Variants in RGS6 observed in about 807,000 individuals in gnomAD.
The protein encoded by RGS6 is regulator of G-protein signaling 6.
Under a neutral mutation model 78.5 loss-of-function variants are expected in RGS6, and 30 were observed. That is an observed-to-expected ratio of 0.38 (90% CI 0.29 to 0.52). RGS6 has a LOEUF of 0.52. RGS6 is among the 20% of genes least tolerant of loss of function. The probability of loss-of-function intolerance (pLI) is 0.85; values close to 1 mark genes in which losing one functional copy is unlikely to be tolerated. For missense variants in RGS6, 495 were observed against 609.7 expected, an observed-to-expected ratio of 0.81 and a Z score of 1.98; for synonymous variants, 206 against 206.0, an observed-to-expected ratio of 1.00 and a Z score of 0.00.
intron 3 of RGS6, among the ~76,000 whole-genome samples, chr14:72,406,309 G>T (rs562555863): frequency 6.6e-6 from 1 of 152,208 alleles, no homozygotes; most frequent in Admixed American, 6.5e-5. Flanking sequence ...GCTTGAACCC[G>T]GGAGGCAGAG....
intron 6 of RGS6, among the ~76,000 whole-genome samples, chr14:72,465,149 C>T (rs935025994): frequency 6.6e-6 from 1 of 152,116 alleles, no homozygotes; most frequent in Admixed American, 6.5e-5. Flanking sequence ...CCTCACAGTG[C>T]CTGCATGAGG....
At position 71,995,971 on chromosome 14, in the gene RGS6, C is replaced by T. The variant is rs139292940; in HGVS notation, c.84+31096C>T. On this transcript the variant is annotated intron_variant, in intron 2 of 17. Transcript: ENST00000553525. ...GTGCTTTCTGCCTTCTGTGTTGTTT[C>T]GGTTCCAGTGACCAAGGGCACAGCT... Among the ~76,000 whole-genome samples the T allele has an allele frequency of 2.3e-3, 344 of 152,178 alleles. 1 individual carries two copies. Among genetic ancestry groups the T allele is most frequent in the South Asian group, 9.8e-3 (47 of 4,812 alleles).
intron 2 of RGS6, among the ~76,000 whole-genome samples, chr14:72,149,749 G>C (rs189988546): frequency 2.0e-5 from 3 of 152,116 alleles, no homozygotes; most frequent in Non-Finnish European, 4.4e-5. Flanking sequence ...GCCAATTTTG[G>C]GGTGTCTAGT....
intron 2 of RGS6, among the ~76,000 whole-genome samples, chr14:72,124,630 A>G (rs1227452123): frequency 2.0e-5 from 3 of 152,232 alleles, no homozygotes; most frequent in African/African-American, 7.2e-5. Context: ...ATTCTTTAAA[A>G]TAAAAATAGA....
intron 2 of RGS6, among the ~76,000 whole-genome samples, chr14:72,109,113 C>G (rs1329222359): frequency 6.6e-6 from 1 of 151,706 alleles, no homozygotes; most frequent in Non-Finnish European, 1.5e-5. Flanking sequence ...TTTTCCTTTT[C>G]CACTGTTACC....
At chr14:72,252,688 CTA>C (rs2056099418) in intron 2 of RGS6, among the ~76,000 whole-genome samples, 1 of 152,136 alleles carries the variant, frequency 6.6e-6, no homozygotes, top group Non-Finnish European at 1.5e-5. Flanking sequence ...TATTCTCAAT[CTA>C]TGTCTACTCA....
intron 2 of RGS6, among the ~76,000 whole-genome samples, chr14:72,014,797 G>C (rs757598): frequency 6.6e-6 from 1 of 152,108 alleles, no homozygotes; most frequent in Non-Finnish European, 1.5e-5. Flanking sequence ...TTGAAAGACA[G>C]TGTTTTAGAT....
At chr14:72,294,436 T>G (rs886356054) in intron 2 of RGS6, among the ~76,000 whole-genome samples, 1 of 152,210 alleles carries the variant, frequency 6.6e-6, no homozygotes, top group Non-Finnish European at 1.5e-5. Context: ...TTGTTGGATA[T>G]TATTACCAAA....
the RGS6 span, among the ~76,000 whole-genome samples, chr14:72,577,151 G>T: frequency 1.3e-5 from 2 of 152,198 alleles, no homozygotes; most frequent in South Asian, 2.1e-4. Context: ...CAACAATGGA[G>T]CCTGAATTGC....
intron 2 of RGS6, among the ~76,000 whole-genome samples, chr14:72,302,886 C>T (rs1245386874): frequency 6.6e-6 from 1 of 152,284 alleles, no homozygotes. Context: ...GGATTTTTCC[C>T]ATGCTGTTCT....
At chr14:72,531,451 AAAG>A (rs1371799670) in intron 15 of RGS6, among the ~76,000 whole-genome samples, 1 of 151,860 alleles carries the variant, frequency 6.6e-6, no homozygotes, top group African/African-American at 2.4e-5. Flanking sequence ...AAAAAAAAAA[AAAG>A]AACCAAGTCA....
chr14:72,017,050 T>C (rs2087172154), intron 2 of RGS6, among the ~76,000 whole-genome samples: 1 of 152,130 alleles, frequency 6.6e-6, no homozygotes, highest in Non-Finnish European at 1.5e-5. Flanking sequence ...CTTTCATTTG[T>C]TCCTTTTTTT....
chr14:71,980,450 A>AC (rs2094390749), intron 2 of RGS6, among the ~76,000 whole-genome samples: 1 of 147,032 alleles, frequency 6.8e-6, no homozygotes, highest in Admixed American at 6.8e-5. Context: ...CTTTTAGGGC[A>AC]GGCCTGGTGG....
intron 2 of RGS6, among the ~76,000 whole-genome samples, chr14:71,994,281 T>A (rs1040129472): frequency 2.6e-5 from 4 of 152,084 alleles, no homozygotes; most frequent in African/African-American, 9.7e-5. Context: ...AACGAAGAAT[T>A]TTTTATTTTT....
At chr14:72,286,447 C>T (rs55911925) in intron 2 of RGS6, among the ~76,000 whole-genome samples, 23,949 of 151,972 alleles carry the variant, frequency 0.16, 1,931 homozygotes, top group Middle Eastern at 0.21. Flanking sequence ...AAGTGTGATG[C>T]ATCCATTTTT....
intron 3 of RGS6, among the ~76,000 whole-genome samples, chr14:72,384,932 A>G (rs543185533): frequency 1.3e-5 from 2 of 152,124 alleles, no homozygotes; most frequent in South Asian, 4.2e-4. Context: ...TGTATTTTTT[A>G]GTAGAGATGG....
At chr14:72,479,680 C>A (rs374130480) in intron 12 of RGS6, among the ~76,000 whole-genome samples, 1 of 152,170 alleles carries the variant, frequency 6.6e-6, no homozygotes, top group Non-Finnish European at 1.5e-5. Flanking sequence ...GCAGAATCAC[C>A]TCATACCTCC....
Position 71,982,146 on chromosome 14 carries a change from G to C in RGS6, c.84+17271G>C, listed in dbSNP as rs567786275. Among the ~76,000 whole-genome samples, 138 of 151,952 alleles carry C rather than the reference G, an allele frequency of 9.1e-4. 1 individual carries two copies. The East Asian group carries it at 0.018, about 20-fold the overall frequency. On this transcript the variant is annotated intron_variant, in intron 2 of 17. Coordinates refer to ENST00000553525, the MANE Select transcript of RGS6 (RefSeq NM_001204424.2). ...GGCAACGCCTCGCCCTGCTTCGGCT[G>C]GCGCATGGTGCGTGCACCCACTGAC...
intron 2 of RGS6, among the ~76,000 whole-genome samples, chr14:72,116,526 C>T (rs368372239): frequency 2.7e-4 from 41 of 151,642 alleles, no homozygotes; most frequent in African/African-American, 9.0e-4. Context: ...TCCCCATCCC[C>T]GCTGCAGTTG....
Sources: gnomAD v4.1 joint callset for allele counts (sites outside exome capture counted in the v4.1 genomes callset) on GRCh38, gnomAD v4.1.1 for gene constraint, MANE v1.5 for transcripts, NCBI Gene and HGNC (gene_info 2026-07-23, HGNC 2026-07-21) for gene names.